NBEA: variants seen among roughly 807,000 people sequenced by gnomAD.
The protein encoded by NBEA is neurobeachin, also known as lysosomal-trafficking regulator 2.
A neutral mutation model predicts 343.4 loss-of-function variants in NBEA; 44 were observed. The ratio of observed to expected loss-of-function variants is 0.13; its 90% CI spans 0.10 to 0.16. The LOEUF (loss-of-function observed/expected upper bound fraction) is 0.16, where lower values mean the gene tolerates loss of function less well. Among genes scored for constraint, NBEA ranks in the 10% least tolerant of loss-of-function variants. NBEA has a pLI of 1.00. For missense variants in NBEA, 2,555 were observed against 3,631.3 expected (o/e 0.70, Z 7.62); for synonymous variants, 1,175 against 1,238.7 (o/e 0.95, Z 1.08).
chr13:35,229,442 A>G (rs1203024843), intron 33 of NBEA, among the ~76,000 whole-genome samples: 1 of 152,206 alleles, frequency 6.6e-6, no homozygotes, highest in Non-Finnish European at 1.5e-5. Flanking sequence ...TCTTACAAAA[A>G]TAATTTGCTG....
intron 37 of NBEA, among the ~76,000 whole-genome samples, chr13:35,350,983 T>C (rs565834607): frequency 6.6e-6 from 1 of 152,084 alleles, no homozygotes; most frequent in South Asian, 2.1e-4. Context: ...TTAATTTTAC[T>C]CTCCAATGAG....
At chr13:35,496,574 C>A (rs185721284) in intron 41 of NBEA, among the ~76,000 whole-genome samples, 5 of 143,328 alleles carry the variant, frequency 3.5e-5, no homozygotes, top group African/African-American at 1.3e-4. Context: ...GTTGAGGCTG[C>A]AGTGAGCGAT....
intron 38 of NBEA, among the ~76,000 whole-genome samples, chr13:35,403,178 T>TA (rs1254347517): frequency 2.6e-5 from 4 of 151,556 alleles, no homozygotes; most frequent in Admixed American, 1.3e-4. Context: ...AAATAATAAA[T>TA]AAAAAATTAA....
intron 39 of NBEA, among the ~76,000 whole-genome samples, chr13:35,435,013 ATTTGTTTGTTTGTT>A (rs959380735): frequency 1.8e-4 from 27 of 152,180 alleles, no homozygotes; most frequent in African/African-American, 6.3e-4. Flanking sequence ...ATTACAGCAC[ATTTGTTTGTTTGTT>A]TTTGTTTGTT....
chr13:35,048,873 G>C (rs1446283163), intron 5 of NBEA, among the ~76,000 whole-genome samples, 189 bp downstream of exon 5: 1 of 151,646 alleles, frequency 6.6e-6, no homozygotes, highest in Admixed American at 6.6e-5. Flanking sequence ...ATTGATTCTA[G>C]GTCATCTGCT....
chr13:35,603,011 A>C (rs949588101), intron 47 of NBEA, among the ~76,000 whole-genome samples: 1 of 152,192 alleles, frequency 6.6e-6, no homozygotes, highest in Non-Finnish European at 1.5e-5. Flanking sequence ...ATTTAAATTG[A>C]GCTATTTTAT....
rs946818206 is a variant in NBEA, at chr13:35,293,398, A to T, written c.5838+2948A>T. On this transcript the variant is annotated intron_variant, in intron 35 of 58. Transcript: ENST00000379939. Reference sequence around the variant, plus strand: ...TTTTCTGATATAGATCTTATGATACAAGTATATTTATTCTTCTTCACTTTT... The same window carrying T: ...TTTTCTGATATAGATCTTATGATACTAGTATATTTATTCTTCTTCACTTTT... 2.0e-5 allele frequency among the ~76,000 whole-genome samples: 3 copies of T among 152,104 alleles called. No individual in the cohort carries two copies. In the South Asian group the frequency reaches 6.2e-4, roughly 32 times the overall value.
At chr13:35,486,329 A>G (rs1200689311) in intron 41 of NBEA, among the ~76,000 whole-genome samples, 1 of 152,102 alleles carries the variant, frequency 6.6e-6, no homozygotes, top group Non-Finnish European at 1.5e-5. Context: ...CATTAACCAT[A>G]ATGTAATTCA....
intron 35 of NBEA, among the ~76,000 whole-genome samples, chr13:35,293,656 G>A (rs1278361959): frequency 6.6e-6 from 1 of 151,796 alleles, no homozygotes; most frequent in East Asian, 1.9e-4. Context: ...TGTGCTTATT[G>A]GTTTATTACA....
intron 11 of NBEA, among the ~76,000 whole-genome samples, chr13:35,107,030 AG>A (rs2065953764): frequency 2.6e-5 from 4 of 151,846 alleles, no homozygotes; most frequent in Non-Finnish European, 2.9e-5. Flanking sequence ...TTTAAGTGTA[AG>A]AGTAGAATGT....
At chr13:35,473,389 C>G (rs1485719211) in intron 41 of NBEA, among the ~76,000 whole-genome samples, 1 of 152,116 alleles carries the variant, frequency 6.6e-6, no homozygotes. Context: ...CTAAAATAGT[C>G]AAAGACAAAT....
At chr13:35,258,287 C>T (rs537918386) in intron 34 of NBEA, among the ~76,000 whole-genome samples, 11 of 152,040 alleles carry the variant, frequency 7.2e-5, no homozygotes, top group African/African-American at 2.7e-4. Context: ...CCTGCCTCAG[C>T]CTCCTGAGTA....
At chr13:35,580,802 G>A (rs1311423310) in intron 45 of NBEA, among the ~76,000 whole-genome samples, 1 of 152,160 alleles carries the variant, frequency 6.6e-6, no homozygotes, top group Admixed American at 6.5e-5. Context: ...TACTAATGGA[G>A]GCATATACAG....
In NBEA at chr13:35,586,780, A is replaced by G. The variant is rs993156436; in HGVS notation, c.7176+2742A>G. Among the ~76,000 whole-genome samples, 10 of 152,180 alleles carry G rather than the reference A, an allele frequency of 6.6e-5. No individual in the cohort carries two copies. In the East Asian group the frequency reaches 1.9e-3, roughly 29 times the overall value. On this transcript the variant is annotated intron_variant, in intron 46 of 58. Coordinates refer to ENST00000379939, the MANE Select transcript of NBEA (RefSeq NM_001385012.1). ...CATCTTTAGTTTCTGGGTGATAATA[A>G]TAATTCCAGAAGTAGGAAAATACTT...
chr13:35,646,134 C>T, intron 50 of NBEA, 125 bp from the exon 51 acceptor site: 1 of 766,368 alleles, frequency 1.3e-6, no homozygotes, highest in Non-Finnish European at 2.2e-6. Flanking sequence ...GAGAAAAGAG[C>T]ACCCGTTGAA....
chr13:35,247,220 C>T lies in NBEA; in HGVS notation c.5776+14601C>T, dbSNP rs375260472. ...ACCCCAGGCTACCGGCCTCCTGGCC[C>T]AGAAAGCAAGCAGGGCTTCTGCGTC... On this transcript the variant is annotated intron_variant, in intron 34 of 58. Transcript: ENST00000379939. Among the ~76,000 whole-genome samples the T allele has an allele frequency of 1.4e-4, 21 of 152,292 alleles. No homozygotes were observed. In the East Asian group the frequency reaches 3.7e-3, roughly 27 times the overall value.
At chr13:35,070,207 GCTT>G in intron 9 of NBEA, 102 bp downstream of exon 9, 1 of 1,236,100 alleles carries the variant, frequency 8.1e-7, no homozygotes, top group Non-Finnish European at 1.1e-6. Flanking sequence ...TGATTTTTTT[GCTT>G]CTTTTTTGGC....
chr13:35,653,333 T>C (rs1442552080), intron 53 of NBEA, among the ~76,000 whole-genome samples: 3 of 146,876 alleles, frequency 2.0e-5, no homozygotes, highest in African/African-American at 2.5e-5. Flanking sequence ...GGGTTCTTTT[T>C]TTTTTTTTTT....
At chr13:35,128,679 T>C (rs1326084878) in intron 17 of NBEA, among the ~76,000 whole-genome samples, 1 of 152,074 alleles carries the variant, frequency 6.6e-6, no homozygotes, top group African/African-American at 2.4e-5. Flanking sequence ...CTTGACTCTG[T>C]GGGTAGTGAA....
Sources: allele counts gnomAD v4.1 joint callset (sites outside exome capture counted in the v4.1 genomes callset), GRCh38; gene constraint gnomAD v4.1.1; transcripts MANE v1.5; gene names NCBI Gene and HGNC (gene_info 2026-07-23, HGNC 2026-07-21).